TNFRSF1B: variants seen among roughly 807,000 people sequenced by gnomAD.
The protein encoded by TNFRSF1B is TNF receptor superfamily member 1B.
A neutral mutation model predicts 44.6 loss-of-function variants in TNFRSF1B; 19 were observed. The ratio of observed to expected loss-of-function variants is 0.43; its 90% confidence interval spans 0.30 to 0.62. The LOEUF (loss-of-function observed/expected upper bound fraction) is 0.62, where lower values mean the gene tolerates loss of function less well. TNFRSF1B is among the 20% of genes least tolerant of loss of function. The pLI, the probability that TNFRSF1B is intolerant of heterozygous loss-of-function variation, is 0.16. For synonymous variants in TNFRSF1B, 252 were observed against 261.1 expected (o/e 0.97, Z 0.34); for missense variants, 541 against 619.9 (o/e 0.87, Z 1.35).
chr1:12,206,017 G>A (rs1639495350), intron 9 of TNFRSF1B, among the ~76,000 whole-genome samples: 1 of 152,144 alleles, frequency 6.6e-6, no homozygotes, highest in African/African-American at 2.4e-5. Flanking sequence ...CTGGGCCCAA[G>A]CAGCTGGGTG....
chr1:12,167,196 G>A, intron 1 of TNFRSF1B, 27 bp downstream of exon 1: 1 of 1,250,324 alleles, frequency 8.0e-7, no homozygotes, highest in Non-Finnish European at 1.0e-6. Context: ...GCCCACGGGG[G>A]ACAGCCGCCC....
chr1:12,168,030 T>C lies in TNFRSF1B; in HGVS notation c.78+861T>C, dbSNP rs1054908259. Among the ~76,000 whole-genome samples, 7 of 152,230 alleles carry C rather than the reference T, an allele frequency of 4.6e-5. No individual in the cohort carries two copies. The highest frequency in any genetic ancestry group is 1.7e-4 in the African/African-American group (7 of 41,462). ...ATAACCCCATTTTTGTTTTACTGTC[T>C]CCATGGTTTGGTAAGATAAGATAAA... On this transcript the variant is annotated intron_variant, in intron 1 of 9. Coordinates refer to ENST00000376259, the MANE Select transcript of TNFRSF1B (RefSeq NM_001066.3). The surrounding 1 kb of genome is among the most constrained non-coding windows in gnomAD (Gnocchi z 4.7).
rs112839655 is a variant in TNFRSF1B at position 12,199,659 on chromosome 1, G to A, written c.901-2308G>A. ...TCGCATCTGTTCTCAGACCACATCT[G>A]GAATTGTAGCTCCCTCTGGAGGGAG... On this transcript the variant is annotated intron_variant, in intron 8 of 9. Transcript: ENST00000376259. This position sits in a 1 kb window ranked among gnomAD's most constrained non-coding sequence, Gnocchi z 4.0. 2.6e-5 allele frequency among the ~76,000 whole-genome samples: 4 copies of A among 152,226 alleles called. 1 individual carries two copies. The highest frequency in any genetic ancestry group is 9.6e-5 in the African/African-American group (4 of 41,546).
chr1:12,171,863 G>C lies in TNFRSF1B; in HGVS notation c.78+4694G>C, dbSNP rs1347403534. Among the ~76,000 whole-genome samples, 1 of 152,192 alleles carries C rather than the reference G, an allele frequency of 6.6e-6. No homozygotes were observed. Among genetic ancestry groups the C allele is most frequent in the Non-Finnish European group, 1.5e-5 (1 of 68,030 alleles). On this transcript the variant is annotated intron_variant, in intron 1 of 9. Transcript: ENST00000376259. This position sits in a 1 kb window ranked among gnomAD's most constrained non-coding sequence, Gnocchi z 4.5. ...GGCCTAGGACAGTGCCTGGCACATA[G>C]TAAGTGTTCAAAAAATATTCATCTG...
Position 12,194,042 on chromosome 1 carries a change from C to T in TNFRSF1B, c.865+10C>T. On this transcript the variant is annotated intron_variant, in intron 7 of 9. Coordinates refer to ENST00000376259, the MANE Select transcript of TNFRSF1B (RefSeq NM_001066.3). The stretch of plus-strand genomic sequence containing the variant: ...ATGACCCAGGTGAAAAGTAAGAGTC[C>T]ATCCTTCCTTCCTTCATCCACTTGT... The T allele has an allele frequency of 6.2e-7, 1 of 1,611,506 alleles. No individual in the cohort carries two copies. The highest frequency in any genetic ancestry group is 8.5e-7 in the Non-Finnish European group (1 of 1,177,696).
chr1:12,192,772 C>G (rs1442493332), intron 5 of TNFRSF1B, 91 bp from the exon 6 acceptor site: 3 of 1,158,896 alleles, frequency 2.6e-6, no homozygotes. Context: ...CGTCACTCTC[C>G]TATCCTGCCT....
intron 9 of TNFRSF1B, among the ~76,000 whole-genome samples, chr1:12,204,821 A>AAC (rs1557641733): frequency 9.9e-5 from 15 of 151,890 alleles, no homozygotes; most frequent in Middle Eastern, 3.4e-3. Context: ...CCACCAACAA[A>AAC]AAAACCCGTA....
chr1:12,175,325 A>C (rs1397231364), intron 1 of TNFRSF1B, among the ~76,000 whole-genome samples: 1 of 152,176 alleles, frequency 6.6e-6, no homozygotes, highest in East Asian at 1.9e-4. Flanking sequence ...GAGATTAGCA[A>C]GGACCTCCCT....
chr1:12,174,259 T>TCTCCTTCTCCTTCTCCTTCTCCTTCTC (rs1491137937), intron 1 of TNFRSF1B, among the ~76,000 whole-genome samples: 2 of 145,052 alleles, frequency 1.4e-5, no homozygotes, highest in African/African-American at 2.5e-5. Context: ...TCCTTCTCCT[T>TCTCCTTCTCCTTCTCCTTCTCCTTCTC]CTTCTTCTGA....
chr1:12,183,764 G>C (rs113299493), intron 1 of TNFRSF1B, among the ~76,000 whole-genome samples: 1,620 of 98,012 alleles, frequency 0.017, 38 homozygotes, highest in South Asian at 0.04. Context: ...TAGCTAGCTA[G>C]CTAGCTATCT....
chr1:12,176,325 A>G (rs754752886), intron 1 of TNFRSF1B, among the ~76,000 whole-genome samples: 69 of 152,234 alleles, frequency 4.5e-4, no homozygotes, highest in Non-Finnish European at 7.1e-4. Flanking sequence ...CAGTGACAGC[A>G]GCACACGAGG....
Position 12,177,945 on chromosome 1 carries a change from T to C in TNFRSF1B, c.78+10776T>C, listed in dbSNP as rs1437102445. ...TCATCCCCATTTTACAGAAGAGGCC[T>C]TTGAAGCACAGAGATTAACTGACGT... On this transcript the variant is annotated intron_variant, in intron 1 of 9. Transcript: ENST00000376259. The surrounding 1 kb of genome is among the most constrained non-coding windows in gnomAD (Gnocchi z 4.3). Among the ~76,000 whole-genome samples the C allele has an allele frequency of 6.6e-6, 1 of 152,200 alleles. No individual in the cohort carries two copies. The highest frequency in any genetic ancestry group is 1.5e-5 in the Non-Finnish European group (1 of 68,034).
rs1424935468 is a variant in TNFRSF1B, at chr1:12,199,169, TAGCC to T, written c.901-2796_901-2793del. Among the ~76,000 whole-genome samples the T allele has an allele frequency of 6.6e-6, 1 of 152,182 alleles. No homozygotes were observed. The highest frequency in any genetic ancestry group is 2.4e-5 in the African/African-American group (1 of 41,450). ...TGGGGGTTTTTGTTCTGCCTGGCTGTAGCCACCAGCAGAGGGGGTGGGGCACAGG... is the reference window on the plus strand; with the variant it reads ...TGGGGGTTTTTGTTCTGCCTGGCTGTACCAGCAGAGGGGGTGGGGCACAGG... On this transcript the variant is annotated intron_variant, in intron 8 of 9. Transcript: ENST00000376259. This position sits in a 1 kb window ranked among gnomAD's most constrained non-coding sequence, Gnocchi z 4.0.
rs1454793712 is a variant in TNFRSF1B at position 12,167,027 on chromosome 1, A to G, written c.-65A>G. 4 of 1,136,740 alleles carry G rather than the reference A, an allele frequency of 3.5e-6. No individual in the cohort carries two copies. The highest frequency in any genetic ancestry group is 4.5e-6 in the Non-Finnish European group (4 of 892,614). The allele number at this position is 1,136,740 out of a possible 1,614,324, so 70.4% of individuals were successfully genotyped here. A position where few individuals can be genotyped will look rare whatever the true frequency, so the allele number is the denominator to read the frequency against. ...AGCGAGCGCAGCGGAGCCTGGAGAGAAGGCGCTGGGCTGCGAGGGCGCGAG... is the reference window on the plus strand; with the variant it reads ...AGCGAGCGCAGCGGAGCCTGGAGAGGAGGCGCTGGGCTGCGAGGGCGCGAG... On this transcript the variant is annotated 5_prime_UTR_variant, in exon 1 of 10. Coordinates refer to ENST00000376259, the MANE Select transcript of TNFRSF1B (RefSeq NM_001066.3).
At chr1:12,198,340 C>G (rs574719121) in intron 8 of TNFRSF1B, among the ~76,000 whole-genome samples, 1 of 152,270 alleles carries the variant, frequency 6.6e-6, no homozygotes, top group South Asian at 2.1e-4. Context: ...GCCCAAGAAT[C>G]ATGGGCCCAG....
At position 12,171,646 on chromosome 1, in the gene TNFRSF1B, G is replaced by T. The variant is rs1254063267; in HGVS notation, c.78+4477G>T. ...ACTGTAGACTCTAGCCTAGAAGAGG[G>T]TTTTTCAGTCAGTGCCTCTGACTTT... On this transcript the variant is annotated intron_variant, in intron 1 of 9. Transcript: ENST00000376259. The surrounding 1 kb of genome is among the most constrained non-coding windows in gnomAD (Gnocchi z 4.5). Among the ~76,000 whole-genome samples the T allele has an allele frequency of 2.0e-5, 3 of 152,204 alleles. No individual in the cohort carries two copies. In the East Asian group the frequency reaches 5.8e-4, roughly 29 times the overall value.
At position 12,192,500 on chromosome 1, in the gene TNFRSF1B, C is replaced by T. The variant is rs969055764; in HGVS notation, c.527C>T (p.Thr176Met). The T allele has an allele frequency of 8.1e-6, 13 of 1,614,006 alleles. No homozygotes were observed. The highest frequency in any genetic ancestry group is 1.7e-5 in the Admixed American group (1 of 59,996). Residue 176 changes from threonine to methionine, a missense_variant, in exon 5 of 10, where the codon ACG becomes ATG. Thr to Met is a moderately conservative substitution (Grantham distance 81). Transcript: ENST00000376259. ...PGTFSNTTSS[T>M]DICRPHQICN... ...ACGTTCTCCAACACGACTTCATCCA[C>T]GGATATTTGCAGGCCCCACCAGATG...
At chr1:12,189,454 G>C (rs1639062935) in intron 2 of TNFRSF1B, among the ~76,000 whole-genome samples, 1 of 152,208 alleles carries the variant, frequency 6.6e-6, no homozygotes, top group South Asian at 2.1e-4. Flanking sequence ...GTGCATATTT[G>C]ACTGACTCTG....
At chr1:12,191,967 T>A (rs1392247199) in intron 4 of TNFRSF1B, 44 bp downstream of exon 4, 17 of 1,585,192 alleles carry the variant, frequency 1.1e-5, no homozygotes, top group Non-Finnish European at 1.5e-5. Context: ...CATGGGCCTC[T>A]CCTTTGTAGA....
Sources: gnomAD v4.1 joint callset for allele counts (sites outside exome capture counted in the v4.1 genomes callset) on GRCh38, gnomAD v4.1.1 for gene constraint, Gnocchi (gnomAD v3.1) non-coding constraint, MANE v1.5 for transcripts, NCBI Gene and HGNC (gene_info 2026-07-23, HGNC 2026-07-21) for gene names.